BDP1: variants seen among roughly 807,000 people sequenced by gnomAD.
BDP1 encodes the protein transcription factor TFIIIB component B'' homolog.
A neutral mutation model predicts 266.6 loss-of-function variants in BDP1; 169 were observed. The observed-to-expected ratio is 0.63, with a 90% CI of 0.56 to 0.72. The LOEUF (loss-of-function observed/expected upper bound fraction) is 0.72. BDP1 is among the 30% of genes least tolerant of loss of function. BDP1 has a pLI of 0.00. For synonymous variants in BDP1, 1,090 were observed against 1,022.4 expected (o/e 1.07, Z -1.26); for missense variants, 3,015 against 3,053.8 (o/e 0.99, Z 0.30).
rs781625145 is a variant in BDP1 at position 71,509,595 on chromosome 5, G to A, written c.2503G>A (p.Glu835Lys). Reference protein sequence around the residue: ...REISSKEEVLEKILVSGEMAA... With the variant: ...REISSKEEVLKKILVSGEMAA... The stretch of plus-strand genomic sequence containing the variant: ...AATTTCCTCAAAGGAAGAGGTACTA[G>A]AGAAGATTCTTGTCTCTGGGGAAAT... Residue 835 changes from glutamate to lysine, a missense_variant, in exon 17 of 39, where the codon GAG (glutamate) becomes AAG (lysine). Around this residue, in one of 3 missense-constraint regions of BDP1, gnomAD observed 2,383 missense variants for 2,404.9 expected, o/e 0.99. Transcript: ENST00000358731. The A allele has an allele frequency of 8.1e-6, 13 of 1,613,858 alleles. No individual in the cohort carries two copies. The highest frequency in any genetic ancestry group is 3.3e-5 in the Admixed American group (2 of 59,934).
At chr5:71,532,206 C>A in intron 25 of BDP1, 102 bp from the exon 26 acceptor site, 1 of 986,282 alleles carries the variant, frequency 1.0e-6, no homozygotes, top group Non-Finnish European at 1.5e-6. Context: ...TGGATTATTT[C>A]TTCATTTTAG....
chr5:71,534,184 T>C (rs1766438288), intron 26 of BDP1, among the ~76,000 whole-genome samples: 1 of 152,226 alleles, frequency 6.6e-6, no homozygotes, highest in Non-Finnish European at 1.5e-5. Context: ...GTCATGAAGA[T>C]TTACCCATTT....
At chr5:71,571,299 C>T (rs942940869), downstream of BDP1, among the ~76,000 whole-genome samples, 7 of 152,036 alleles carry the variant, frequency 4.6e-5, no homozygotes, top group Non-Finnish European at 8.8e-5. Flanking sequence ...TGCATGCCAC[C>T]GTGCCTGGCT....
chr5:71,521,293 T>G lies in BDP1; in HGVS notation c.4992-996T>G, dbSNP rs1218366671. Among the ~76,000 whole-genome samples the G allele has an allele frequency of 2.7e-5, 4 of 145,556 alleles. No homozygotes were observed. The South Asian group carries it at 6.5e-4, about 24-fold the overall frequency. Reference sequence around the variant, plus strand: ...TATAAATATTCAGGTTTATATTAGTTTTTTTTTTTTTTTTTGGAGACAGAG... The same window carrying G: ...TATAAATATTCAGGTTTATATTAGTGTTTTTTTTTTTTTTTGGAGACAGAG... On this transcript the variant is annotated intron_variant, in intron 22 of 38. Transcript: ENST00000358731.
intron 18 of BDP1, 74 bp downstream of exon 18, chr5:71,512,502 G>A (rs1287833661): frequency 2.0e-6 from 2 of 1,020,424 alleles, no homozygotes; most frequent in Non-Finnish European, 2.8e-6. Context: ...GAGGTTTCAA[G>A]ATATAACATA....
chr5:71,562,226 A>ATAATT, intron 37 of BDP1, 48 bp from the exon 38 acceptor site: 1 of 981,802 alleles, frequency 1.0e-6, no homozygotes, highest in Non-Finnish European at 1.5e-6. Flanking sequence ...AAAAAAAAGA[A>ATAATT]TGTGTCTTCC....
Position 71,501,656 on chromosome 5 carries a change from G to C in BDP1, c.2048+3G>C. Reference sequence around the variant, plus strand: ...CCAGAAGCTGAAACTGTATCTGTGTGAGTATTCAGGAAGTAGTAAAAAAAA... The same window carrying C: ...CCAGAAGCTGAAACTGTATCTGTGTCAGTATTCAGGAAGTAGTAAAAAAAA... On this transcript the variant is annotated splice_donor_region_variant and intron_variant, in intron 14 of 38. Coordinates refer to ENST00000358731, the MANE Select transcript of BDP1 (RefSeq NM_018429.3). The C allele has an allele frequency of 9.2e-7, 1 of 1,086,234 alleles. No homozygotes were observed. Among genetic ancestry groups the C allele is most frequent in the East Asian group, 2.5e-5 (1 of 40,464 alleles). 67.3% of individuals were successfully genotyped at this position (1,086,234 alleles called of 1,614,324 possible).
intron 38 of BDP1, 46 bp from the exon 39 acceptor site, chr5:71,564,708 G>C: frequency 6.7e-7 from 1 of 1,486,944 alleles, no homozygotes; most frequent in Non-Finnish European, 9.2e-7. Context: ...ATATATAAAT[G>C]TTGTATTACA....
At chr5:71,461,405 G>A (rs1404553207) in intron 2 of BDP1, among the ~76,000 whole-genome samples, 3 of 151,254 alleles carry the variant, frequency 2.0e-5, no homozygotes, top group Non-Finnish European at 4.4e-5. Flanking sequence ...AGGAATTTGA[G>A]AGCAGCCTTG....
intron 26 of BDP1, among the ~76,000 whole-genome samples, chr5:71,538,558 A>C (rs1320625262): frequency 6.6e-6 from 1 of 152,222 alleles, no homozygotes; most frequent in Admixed American, 6.5e-5. Context: ...AATCAGTTTC[A>C]CTGAGGAGTG....
Position 71,560,833 on chromosome 5 carries a change from G to C in BDP1, c.7496+596G>C, listed in dbSNP as rs541768665. Among the ~76,000 whole-genome samples, 4 of 152,334 alleles carry C rather than the reference G, an allele frequency of 2.6e-5. No homozygotes were observed. The South Asian group carries it at 8.3e-4, about 32-fold the overall frequency. The stretch of plus-strand genomic sequence containing the variant: ...GCACTAGTCTCCACTAAGGGGAAGG[G>C]GTTGGGGAAAGGACACATGTAGCTT... On this transcript the variant is annotated intron_variant, in intron 37 of 38. Transcript: ENST00000358731.
chr5:71,479,418 G>A (rs748053929), intron 7 of BDP1, among the ~76,000 whole-genome samples: 2 of 152,024 alleles, frequency 1.3e-5, no homozygotes, highest in South Asian at 2.1e-4. Context: ...CCTCTGAATC[G>A]TGAAACATCT....
chr5:71,469,270 C>G (rs900860141), intron 6 of BDP1, among the ~76,000 whole-genome samples: 6 of 151,986 alleles, frequency 3.9e-5, no homozygotes, highest in African/African-American at 1.5e-4. Context: ...TCCCGAGTAG[C>G]TGGGATTACA....
intron 2 of BDP1, 90 bp downstream of exon 2, chr5:71,458,945 G>A (rs757300753): frequency 7.6e-5 from 98 of 1,290,450 alleles, no homozygotes; most frequent in Non-Finnish European, 1.0e-4. Flanking sequence ...GCATTTTGAT[G>A]GGGGAACAAA....
At chr5:71,460,422 G>A (rs959928558) in intron 2 of BDP1, among the ~76,000 whole-genome samples, 4 of 152,148 alleles carry the variant, frequency 2.6e-5, no homozygotes, top group Admixed American at 2.6e-4. Context: ...CATGAAAATA[G>A]TAAGTGTCCA....
rs1764976332 is a variant in BDP1, at chr5:71,512,378, G to A, written c.4197G>A (p.Gln1399=). Residue 1399 remains glutamine, a synonymous_variant, in exon 18 of 39, where the codon CAG becomes CAA. Coordinates refer to ENST00000358731, the MANE Select transcript of BDP1 (RefSeq NM_018429.3). ...ATGAATCTGATAAAACAGAAGTCCA[G>A]GGGATTCAATCTCCAGATGTTCCAG... The part of the protein sequence containing the change: ...QTHESDKTEV[Q]GIQSPDVPEQ... 12 of 1,590,562 alleles carry A rather than the reference G, an allele frequency of 7.5e-6. No homozygotes were observed. In the South Asian group the frequency reaches 1.4e-4, roughly 19 times the overall value.
At chr5:71,573,623 T>C in the BDP1 span, among the ~76,000 whole-genome samples, 2 of 152,238 alleles carry the variant, frequency 1.3e-5, no homozygotes, top group Admixed American at 1.3e-4. Context: ...AACTTGCTTG[T>C]CTGCTAGTGC....
intron 24 of BDP1, 95 bp downstream of exon 24, chr5:71,523,044 G>A: frequency 2.1e-6 from 2 of 944,382 alleles, no homozygotes; most frequent in Non-Finnish European, 3.1e-6. Flanking sequence ...TTTGGGTGTT[G>A]AGTCCATTAG....
intron 13 of BDP1, 129 bp from the exon 14 acceptor site, chr5:71,501,433 C>G: frequency 1.7e-6 from 1 of 597,798 alleles, no homozygotes; most frequent in Non-Finnish European, 3.0e-6. Flanking sequence ...CTTGGCCTCC[C>G]AAAGTGCTAG....
Sources: allele counts gnomAD v4.1 joint callset (sites outside exome capture counted in the v4.1 genomes callset), GRCh38; gene constraint gnomAD v4.1.1; regional missense constraint gnomAD v4.1.1; transcripts MANE v1.5; gene names NCBI Gene and HGNC (gene_info 2026-07-23, HGNC 2026-07-21).